Variants in LRRC4C observed in about 807,000 individuals in gnomAD.
LRRC4C encodes the protein leucine-rich repeat-containing protein 4C.
Under a neutral mutation model 33.6 loss-of-function variants are expected in LRRC4C, and 5 were observed. The observed-to-expected ratio is 0.15, with a 90% CI of 0.08 to 0.31. LRRC4C has a LOEUF of 0.31. LRRC4C is among the 10% of genes least tolerant of loss of function. The pLI, the probability that LRRC4C is intolerant of heterozygous loss-of-function variation, is 1.00. For missense variants in LRRC4C, 560 were observed against 796.7 expected (o/e 0.70, Z 3.58); for synonymous variants, 329 against 302.0 (o/e 1.09, Z -0.93).
chr11:41,262,480 G>A (rs1347509114), intron 1 of LRRC4C, among the ~76,000 whole-genome samples: 1 of 151,248 alleles, frequency 6.6e-6, no homozygotes, highest in Non-Finnish European at 1.5e-5. Flanking sequence ...GTACTGGAAT[G>A]ATGAGTTGAA....
At chr11:40,705,945 T>C (rs1315289190) in intron 2 of LRRC4C, among the ~76,000 whole-genome samples, 1 of 152,226 alleles carries the variant, frequency 6.6e-6, no homozygotes, top group African/African-American at 2.4e-5. Context: ...TGTGCATTTC[T>C]CTGATGACCA....
intron 2 of LRRC4C, among the ~76,000 whole-genome samples, chr11:40,924,092 G>A (rs1957308087): frequency 1.5e-5 from 2 of 136,088 alleles, no homozygotes; most frequent in South Asian, 5.0e-4. Context: ...ATATATGTGT[G>A]TGTGTGTATG....
intron 3 of LRRC4C, among the ~76,000 whole-genome samples, chr11:40,526,209 G>C (rs772156686): frequency 6.6e-6 from 1 of 152,054 alleles, no homozygotes; most frequent in African/African-American, 2.4e-5. Context: ...CACAGAAAAT[G>C]CCAAGCATAA....
intron 3 of LRRC4C, among the ~76,000 whole-genome samples, chr11:40,439,116 T>C (rs1951275838): frequency 7.0e-6 from 1 of 142,992 alleles, no homozygotes; most frequent in Admixed American, 7.0e-5. Flanking sequence ...TTTTTTTTTG[T>C]ATTTTTAGTA....
Position 40,540,322 on chromosome 11 carries a change from C to A in LRRC4C, c.-270+107820G>T, listed in dbSNP as rs1433351271. Among the ~76,000 whole-genome samples, 4 of 152,258 alleles carry A rather than the reference C, an allele frequency of 2.6e-5. No individual in the cohort carries two copies. In the East Asian group the frequency reaches 7.7e-4, roughly 29 times the overall value. On this transcript the variant is annotated intron_variant, in intron 3 of 6. Coordinates refer to ENST00000528697, the MANE Select transcript of LRRC4C (RefSeq NM_001258419.2). ...AAGGAAACCCTTTCAGAAAATTGAT[C>A]CGCTAAAGTTTGAAATGCTTAAAAA...
At chr11:40,480,348 TAAATAA>T (rs936316542) in intron 3 of LRRC4C, among the ~76,000 whole-genome samples, 11 of 150,900 alleles carry the variant, frequency 7.3e-5, no homozygotes, top group African/African-American at 2.7e-4. Flanking sequence ...TGAATTAAAA[TAAATAA>T]AAATAAAAAT....
At chr11:40,200,782 A>AG (rs1242419037) in intron 5 of LRRC4C, among the ~76,000 whole-genome samples, 5 of 149,964 alleles carry the variant, frequency 3.3e-5, no homozygotes, top group South Asian at 2.1e-4. Flanking sequence ...AAAAAAAAAA[A>AG]AAAAAAGAAA....
Position 41,459,634 on chromosome 11 carries a change from A to C in LRRC4C, c.-699T>G, listed in dbSNP as rs942385524. 4 of 151,516 alleles carry C rather than the reference A, an allele frequency of 2.6e-5. No homozygotes were observed. Among genetic ancestry groups the C allele is most frequent in the African/African-American group, 9.7e-5 (4 of 41,090 alleles). The allele number at this position is 151,516 out of a possible 1,614,324, so 9.4% of individuals were successfully genotyped here. ...GACTCCGCCAAAAAGTAAGCCAAAA[A>C]CTCATCAAAGGCAAAAGCAGAAGGG... On this transcript the variant is annotated 5_prime_UTR_variant, in exon 1 of 7. Transcript: ENST00000528697.
intron 3 of LRRC4C, among the ~76,000 whole-genome samples, chr11:40,509,891 C>T (rs1160361312): frequency 6.6e-6 from 1 of 152,064 alleles, no homozygotes; most frequent in Non-Finnish European, 1.5e-5. Flanking sequence ...TGGCAGGTTG[C>T]TATTGGCTCC....
chr11:41,197,110 G>A (rs1946210215), intron 1 of LRRC4C, among the ~76,000 whole-genome samples: 1 of 152,024 alleles, frequency 6.6e-6, no homozygotes, highest in Non-Finnish European at 1.5e-5. Flanking sequence ...CAGCAAACAA[G>A]TTACAGCTAC....
chr11:40,139,930 T>G (rs551293801), intron 6 of LRRC4C, among the ~76,000 whole-genome samples: 1 of 152,348 alleles, frequency 6.6e-6, no homozygotes. Flanking sequence ...CTTGCTTGGG[T>G]ATTAATTTGG....
intron 1 of LRRC4C, among the ~76,000 whole-genome samples, chr11:41,394,048 C>G (rs967611708): frequency 3.3e-5 from 5 of 151,884 alleles, no homozygotes; most frequent in Admixed American, 6.6e-5. Context: ...CTCTAGGGAG[C>G]CTTAAAAGCA....
chr11:40,209,035 A>T (rs1206914409), intron 5 of LRRC4C, among the ~76,000 whole-genome samples: 1 of 151,508 alleles, frequency 6.6e-6, no homozygotes, highest in Non-Finnish European at 1.5e-5. Flanking sequence ...TCCCCTAAAG[A>T]TTTCAAATAA....
chr11:40,947,050 T>G (rs1958436349), intron 1 of LRRC4C, among the ~76,000 whole-genome samples: 1 of 152,114 alleles, frequency 6.6e-6, no homozygotes, highest in Admixed American at 6.6e-5. Context: ...GCAGAAGTCG[T>G]ACATTTTTTT....
At chr11:40,668,690 C>T (rs991279694) in intron 2 of LRRC4C, among the ~76,000 whole-genome samples, 1 of 152,108 alleles carries the variant, frequency 6.6e-6, no homozygotes, top group African/African-American at 2.4e-5. Flanking sequence ...AAAAAGTAAA[C>T]CTTGCAGACC....
intron 3 of LRRC4C, among the ~76,000 whole-genome samples, chr11:40,357,989 C>A (rs11035801): frequency 2.3e-4 from 35 of 151,886 alleles, no homozygotes; most frequent in African/African-American, 7.5e-4. Flanking sequence ...TCAAGACCAT[C>A]CTGGCCAACA....
At chr11:40,504,798 G>A (rs897369272) in intron 3 of LRRC4C, among the ~76,000 whole-genome samples, 2 of 152,030 alleles carry the variant, frequency 1.3e-5, no homozygotes, top group African/African-American at 4.8e-5. Flanking sequence ...TTAGAGAGCG[G>A]AGGCTGTCTC....
chr11:40,996,014 A>G (rs771988370), intron 1 of LRRC4C, among the ~76,000 whole-genome samples: 2 of 152,208 alleles, frequency 1.3e-5, no homozygotes, highest in Non-Finnish European at 2.9e-5. Flanking sequence ...TTCACTTTTA[A>G]AATTAATTTA....
chr11:40,483,009 A>G (rs909841233), intron 3 of LRRC4C, among the ~76,000 whole-genome samples: 1 of 152,206 alleles, frequency 6.6e-6, no homozygotes, highest in Admixed American at 6.5e-5. Context: ...GCTCACTCAC[A>G]AAGAAAGTCC....
Sources: allele counts gnomAD v4.1 joint callset (sites outside exome capture counted in the v4.1 genomes callset), GRCh38; gene constraint gnomAD v4.1.1; transcripts MANE v1.5; gene names NCBI Gene and HGNC (gene_info 2026-07-23, HGNC 2026-07-21).